Variants in ZC3H12B observed in about 807,000 individuals in gnomAD.
ZC3H12B encodes the protein probable ribonuclease ZC3H12B.
A neutral mutation model predicts 43.9 loss-of-function variants in ZC3H12B; 7 were observed. That is an observed-to-expected ratio of 0.16 (90% CI 0.09 to 0.30). The LOEUF (loss-of-function observed/expected upper bound fraction) is 0.30. ZC3H12B is among the 10% of genes least tolerant of loss of function. ZC3H12B has a pLI of 1.00. For synonymous variants in ZC3H12B, 222 were observed against 241.7 expected (o/e 0.92, Z 0.76); for missense variants, 475 against 670.2 (o/e 0.71, Z 3.22).
the ZC3H12B span, among the ~76,000 whole-genome samples, chrX:65,310,608 G>C: frequency 8.9e-6 from 1 of 111,835 alleles, no homozygotes; most frequent in Non-Finnish European, 1.9e-5. Flanking sequence ...TCCCCATCAA[G>C]CTACCAATGA....
chrX:65,212,553 ATAT>A, the ZC3H12B span, among the ~76,000 whole-genome samples: 1 of 77,585 alleles, frequency 1.3e-5, no homozygotes, highest in Non-Finnish European at 2.3e-5. Context: ...TTTATATATT[ATAT>A]TATATGTTAT....
the ZC3H12B span, among the ~76,000 whole-genome samples, chrX:65,073,626 C>T: frequency 4.2e-4 from 47 of 112,151 alleles, no homozygotes; most frequent in Admixed American, 9.4e-4. Flanking sequence ...GGCTGCACTT[C>T]GCTATATTCC....
chrX:65,077,733 T>G, the ZC3H12B span, among the ~76,000 whole-genome samples: 1 of 111,760 alleles, frequency 8.9e-6, no homozygotes, highest in Non-Finnish European at 1.9e-5. Flanking sequence ...TGTTTTTGTT[T>G]TTGTTGTTGT....
chrX:65,263,440 C>A, the ZC3H12B span, among the ~76,000 whole-genome samples: 1 of 109,939 alleles, frequency 9.1e-6, no homozygotes, highest in African/African-American at 3.3e-5. Flanking sequence ...GTAGAGCAAA[C>A]AGCATGAAAA....
exon 3 of ZC3H12B, chrX:65,499,102 A>C (rs749995917): frequency 8.9e-5 from 108 of 1,209,583 alleles, no homozygotes; most frequent in Non-Finnish European, 1.2e-4. Flanking sequence ...ACCGGTTCAT[A>C]GTCAAACTGG....
intron 3 of ZC3H12B, among the ~76,000 whole-genome samples, chrX:65,479,364 T>C (rs1437502044): frequency 2.0e-5 from 2 of 100,799 alleles, no homozygotes; most frequent in East Asian, 5.8e-4. Context: ...AAACACTATT[T>C]GTATTTTTTT....
chrX:65,232,199 C>T, the ZC3H12B span, among the ~76,000 whole-genome samples: 3 of 111,091 alleles, frequency 2.7e-5, no homozygotes, highest in African/African-American at 9.8e-5. Context: ...TGAGATCGCA[C>T]CACTGCACTC....
chrX:65,190,760 T>A, the ZC3H12B span, among the ~76,000 whole-genome samples: 1 of 106,712 alleles, frequency 9.4e-6, no homozygotes, highest in African/African-American at 3.5e-5. Context: ...ACAATTTGAC[T>A]TCCTCTTTTC....
the ZC3H12B span, among the ~76,000 whole-genome samples, chrX:65,251,012 T>C: frequency 1.8e-5 from 2 of 112,103 alleles, no homozygotes; most frequent in Non-Finnish European, 3.8e-5. Context: ...AGTCCTTGCC[T>C]ATGCCGATGT....
chrX:65,226,605 A>C, the ZC3H12B span, among the ~76,000 whole-genome samples: 2 of 111,713 alleles, frequency 1.8e-5, no homozygotes, highest in Non-Finnish European at 3.8e-5. Flanking sequence ...TAAAGAGTCA[A>C]GACCCATCAG....
upstream of ZC3H12B, among the ~76,000 whole-genome samples, chrX:65,484,308 A>C (rs1479959135): frequency 8.9e-5 from 10 of 111,830 alleles, no homozygotes; most frequent in Admixed American, 9.6e-4. Flanking sequence ...CCATGACACA[A>C]GTTTACTTAT....
At chrX:65,215,105 G>A in the ZC3H12B span, among the ~76,000 whole-genome samples, 3 of 111,638 alleles carry the variant, frequency 2.7e-5, no homozygotes, top group East Asian at 8.5e-4. Flanking sequence ...TCTCATCCAG[G>A]CTTCGTTTGT....
At chrX:65,469,328 T>C (rs1345173888) in intron 3 of ZC3H12B, 3 of 369,759 alleles carry the variant, frequency 8.1e-6, no homozygotes, top group Non-Finnish European at 1.5e-5. Flanking sequence ...TCATTGATGT[T>C]ATAGAGTCTG....
At chrX:65,103,360 G>A in the ZC3H12B span, among the ~76,000 whole-genome samples, 1 of 111,978 alleles carries the variant, frequency 8.9e-6, no homozygotes, top group Non-Finnish European at 1.9e-5. Context: ...CTGATGGTCA[G>A]CTCCCTTGTT....
chrX:65,154,719 A>G, the ZC3H12B span, among the ~76,000 whole-genome samples: 9 of 111,130 alleles, frequency 8.1e-5, no homozygotes, highest in Non-Finnish European at 1.5e-4. Context: ...TGTGTTGCAT[A>G]CCTGTGATTC....
the ZC3H12B span, among the ~76,000 whole-genome samples, chrX:65,189,677 A>G: frequency 6.7e-5 from 7 of 104,798 alleles, no homozygotes; most frequent in East Asian, 2.1e-3. Context: ...GTTTGAGTTC[A>G]TTGTAGATTC....
the ZC3H12B span, among the ~76,000 whole-genome samples, chrX:65,231,500 ATCTCAATCCTT>A: frequency 1.8e-5 from 2 of 110,904 alleles, no homozygotes; most frequent in Non-Finnish European, 3.8e-5. Context: ...TTAACCGCGT[ATCTCAATCCTT>A]ATCTTAACCA....
chrX:65,126,294 C>G, the ZC3H12B span, among the ~76,000 whole-genome samples: 1 of 110,669 alleles, frequency 9.0e-6, no homozygotes, highest in Non-Finnish European at 1.9e-5. Flanking sequence ...TGTTTTGTTC[C>G]AGGAGGCTAA....
At chrX:65,064,985 G>A in the ZC3H12B span, among the ~76,000 whole-genome samples, 4 of 107,047 alleles carry the variant, frequency 3.7e-5, no homozygotes, top group East Asian at 2.9e-4. Context: ...TTTTCTTTCC[G>A]TCTGCTTGGT....
Sources: allele counts gnomAD v4.1 joint callset (sites outside exome capture counted in the v4.1 genomes callset), GRCh38; gene constraint gnomAD v4.1.1; transcripts MANE v1.5; gene names NCBI Gene and HGNC (gene_info 2026-07-23, HGNC 2026-07-21).